The following AMY2B variants were observed in gnomAD, a reference collection of about 807,000 sequenced individuals.
AMY2B encodes alpha-amylase 2B.
A neutral mutation model predicts 59.3 loss-of-function variants in AMY2B; 63 were observed. The observed-to-expected ratio is 1.06, with a 90% confidence interval of 0.87 to 1.31. AMY2B has a LOEUF of 1.31. AMY2B is among the 50% of genes most tolerant of loss of function. The pLI, the probability that AMY2B is intolerant of heterozygous loss-of-function variation, is 0.00. For synonymous variants in AMY2B, 180 were observed against 198.1 expected, an observed-to-expected ratio of 0.91 and a Z score of 0.77; for missense variants, 635 against 626.7, an observed-to-expected ratio of 1.01 and a Z score of -0.14.
chr1:103,563,258 G>A (rs1244637136), intron 1 of AMY2B, among the ~76,000 whole-genome samples: 12 of 152,032 alleles, frequency 7.9e-5, no homozygotes, highest in Non-Finnish European at 1.8e-4. Context: ...TTTGGCACAT[G>A]ATAGTAACCG....
upstream of AMY2B, chr1:103,570,707 C>T (rs1023227911): frequency 1.8e-5 from 10 of 550,766 alleles, no homozygotes; most frequent in South Asian, 4.3e-5. Flanking sequence ...GCAATTGCTT[C>T]ATGGGTTAAT....
intron 1 of AMY2B, among the ~76,000 whole-genome samples, chr1:103,560,961 TAATA>T (rs1280300340): frequency 6.6e-6 from 1 of 152,204 alleles, no homozygotes; most frequent in East Asian, 1.9e-4. Flanking sequence ...ATTTGACCAT[TAATA>T]AATCCCATTA....
In AMY2B at chr1:103,573,261, G is replaced by T. The variant is rs1265543710; in HGVS notation, c.513+1G>T. The T allele has an allele frequency of 6.2e-7, 1 of 1,613,474 alleles. No homozygotes were observed. On this transcript the variant is annotated splice_donor_variant, in intron 3 of 9. Coordinates refer to ENST00000684275, the MANE Select transcript of AMY2B (RefSeq NM_001387437.1). LOFTEE classifies it high-confidence loss of function. ...CGAGAACTACAATGATGCTACTCAG[G>T]TAAATTTTTTTATGAGAGTCATCTG...
At position 103,573,708 on chromosome 1, in the gene AMY2B, G is replaced by C. The variant is rs1306786146; in HGVS notation, c.514G>C (p.Val172Leu). Residue 172 changes from valine to leucine, a missense_variant and splice_region_variant, in exon 4 of 10, where the codon GTC becomes CTC. Transcript: ENST00000684275. Reference sequence around the variant, plus strand: ...AATCATAACATTTTTACCTCAACAGGTCAGAGATTGTCGTCTGGTTGGTCT... The same window carrying C: ...AATCATAACATTTTTACCTCAACAGCTCAGAGATTGTCGTCTGGTTGGTCT... ...DIENYNDATQVRDCRLVGLLD... is the reference protein window; with the variant it reads ...DIENYNDATQLRDCRLVGLLD... The C allele has an allele frequency of 6.2e-7, 1 of 1,613,508 alleles. No individual in the cohort carries two copies. The highest frequency in any genetic ancestry group is 8.5e-7 in the Non-Finnish European group (1 of 1,179,628).
rs41277630 is a variant in AMY2B at position 103,574,200 on chromosome 1, T to C, written c.745-60T>C. ...CTATCTTTTATATAATATTAACTTATTGGTTAAAATGCTTTAAAGTCCTTA... is the reference window on the plus strand; with the variant it reads ...CTATCTTTTATATAATATTAACTTACTGGTTAAAATGCTTTAAAGTCCTTA... On this transcript the variant is annotated intron_variant, in intron 4 of 9. Coordinates refer to ENST00000684275, the MANE Select transcript of AMY2B (RefSeq NM_001387437.1). The C allele has an allele frequency of 7.4e-3, 11,915 of 1,608,296 alleles. 58 individuals carry two copies. The highest frequency in any genetic ancestry group is 9.0e-3 in the Non-Finnish European group (10,602 of 1,178,134).
chr1:103,575,097 A>G, intron 5 of AMY2B, 126 bp from the exon 6 acceptor site: 1 of 1,300,138 alleles, frequency 7.7e-7, no homozygotes, highest in Non-Finnish European at 1.1e-6. Flanking sequence ...TTACAGAATA[A>G]CCATTTAATT....
intron 1 of AMY2B, among the ~76,000 whole-genome samples, chr1:103,556,096 TAAAG>T (rs920083250): frequency 5.9e-5 from 9 of 151,938 alleles, no homozygotes; most frequent in Non-Finnish European, 1.2e-4. Flanking sequence ...AACAAGGTCA[TAAAG>T]AGGGAGGAAG....
At chr1:103,579,268 A>G (rs1461640603) in intron 9 of AMY2B, 43 bp from the exon 10 acceptor site, 1 of 1,611,476 alleles carries the variant, frequency 6.2e-7, no homozygotes, top group Non-Finnish European at 8.5e-7. Context: ...TGTATTCTTG[A>G]TTTTCAGTGT....
rs1439829029 is a variant in AMY2B, at chr1:103,574,255, A to T, written c.745-5A>T. 1 of 1,611,632 alleles carries T rather than the reference A, an allele frequency of 6.2e-7. No individual in the cohort carries two copies. The highest frequency in any genetic ancestry group is 8.5e-7 in the Non-Finnish European group (1 of 1,179,674). On this transcript the variant is annotated splice_region_variant and splice_polypyrimidine_tract_variant and intron_variant, in intron 4 of 9. Coordinates refer to ENST00000684275, the MANE Select transcript of AMY2B (RefSeq NM_001387437.1). ...AAATGTTACTTTTTCCTAATTTTCTACTAGGTAATTGATCTGGGTGGTGAG... is the reference window on the plus strand; with the variant it reads ...AAATGTTACTTTTTCCTAATTTTCTTCTAGGTAATTGATCTGGGTGGTGAG...
At chr1:103,562,270 G>A (rs1393671633) in intron 1 of AMY2B, among the ~76,000 whole-genome samples, 1 of 152,188 alleles carries the variant, frequency 6.6e-6, no homozygotes, top group African/African-American at 2.4e-5. Flanking sequence ...TATTGAAAAT[G>A]TGTCTTAGCC....
At chr1:103,575,699 G>T (rs1652326142) in intron 7 of AMY2B, 159 bp downstream of exon 7, 7 of 1,029,910 alleles carry the variant, frequency 6.8e-6, no homozygotes, top group Admixed American at 6.3e-5. Context: ...TATTAAAGGA[G>T]TAAAATATAT....
chr1:103,575,118 T>C, intron 5 of AMY2B, 105 bp from the exon 6 acceptor site: 2 of 1,520,582 alleles, frequency 1.3e-6, no homozygotes, highest in Middle Eastern at 2.4e-4. Flanking sequence ...AGAGAAAGAA[T>C]TTAATCTTCA....
intron 1 of AMY2B, among the ~76,000 whole-genome samples, chr1:103,564,453 T>C (rs1454258940): frequency 1.3e-5 from 2 of 152,162 alleles, no homozygotes; most frequent in Non-Finnish European, 2.9e-5. Flanking sequence ...CTGCAAATTT[T>C]CCTTCCCTAT....
rs377503366 is a variant in AMY2B, at chr1:103,571,765, G to A, written c.163G>A (p.Val55Ile). 1.4e-5 allele frequency: 23 copies of A among 1,611,800 alleles called. No homozygotes were observed. In the South Asian group the frequency reaches 2.4e-4, roughly 17 times the overall value. The change falls in exon 1 of 10, where the codon GTT becomes ATT. Residue 55 changes from valine to isoleucine, a missense_variant. Transcript: ENST00000684275. ...RYLAPKGFGGVQVSPPNENVA... is the reference protein window; with the variant it reads ...RYLAPKGFGGIQVSPPNENVA... ...TTTAGCTCCCAAGGGATTTGGAGGG[G>A]TTCAGGTGGGTATGATTCATAGTAT... is the stretch of plus-strand genomic sequence containing the variant.
intron 1 of AMY2B, 152 bp downstream of exon 1, chr1:103,571,922 G>T (rs1372341744): frequency 8.3e-6 from 13 of 1,562,146 alleles, no homozygotes; most frequent in South Asian, 2.4e-5. Flanking sequence ...TAGTATTCTT[G>T]GCAACTTTAT....
chr1:103,569,897 A>G, upstream of AMY2B: 1 of 464,456 alleles, frequency 2.2e-6, no homozygotes, highest in South Asian at 1.8e-5. Context: ...CAAGGCCAAC[A>G]GAGAGAAGAT....
At chr1:103,571,036 AC>A, upstream of AMY2B, 1 of 408,214 alleles carries the variant, frequency 2.4e-6, no homozygotes, top group Non-Finnish European at 3.7e-6. Flanking sequence ...ATGTGTCAGG[AC>A]TGAGTGTTCT....
intron 1 of AMY2B, among the ~76,000 whole-genome samples, chr1:103,556,229 G>T (rs1464449048): frequency 6.6e-6 from 1 of 152,142 alleles, no homozygotes; most frequent in African/African-American, 2.4e-5. Context: ...ATGTGGTTTT[G>T]TGTTTTTCTC....
chr1:103,571,096 C>T (rs1053433098), upstream of AMY2B: 28 of 930,146 alleles, frequency 3.0e-5, no homozygotes, highest in Admixed American at 9.9e-5. Flanking sequence ...TTGTTTCTGT[C>T]CTGTCGGTCT....
Sources: gnomAD v4.1 joint callset for allele counts (sites outside exome capture counted in the v4.1 genomes callset) on GRCh38, gnomAD v4.1.1 for gene constraint, MANE v1.5 for transcripts, NCBI Gene and HGNC (gene_info 2026-07-23, HGNC 2026-07-21) for gene names.